The following FHOD3 variants were observed in gnomAD, a reference collection of about 807,000 sequenced individuals.
The protein encoded by FHOD3 is formin homology 2 domain containing 3.
A neutral mutation model predicts 173.0 loss-of-function variants in FHOD3; 90 were observed. That is an observed-to-expected ratio of 0.52 (90% confidence interval 0.44 to 0.62). The LOEUF (loss-of-function observed/expected upper bound fraction) is 0.62. FHOD3 is among the 20% of genes least tolerant of loss of function. The probability of loss-of-function intolerance (pLI) is 0.00; values close to 1 mark genes in which losing one functional copy is unlikely to be tolerated. For synonymous variants in FHOD3, 828 were observed against 823.0 expected, an observed-to-expected ratio of 1.01 and a Z score of -0.10; for missense variants, 1,945 against 2,034.7, an observed-to-expected ratio of 0.96 and a Z score of 0.85.
intron 3 of FHOD3, among the ~76,000 whole-genome samples, chr18:36,445,410 C>T (rs1414407221): frequency 6.6e-6 from 1 of 152,098 alleles, no homozygotes; most frequent in Non-Finnish European, 1.5e-5. Context: ...CAGTATGATT[C>T]TTAAGCAGGC....
At chr18:36,438,695 C>A (rs1206834458) in intron 3 of FHOD3, among the ~76,000 whole-genome samples, 1 of 152,232 alleles carries the variant, frequency 6.6e-6, no homozygotes, top group African/African-American at 2.4e-5. Context: ...GTGTCTGCTG[C>A]CCCAGTGCTC....
chr18:36,769,475 C>A, intron 28 of FHOD3, 49 bp downstream of exon 28: 1 of 1,584,544 alleles, frequency 6.3e-7, no homozygotes, highest in South Asian at 1.2e-5. Flanking sequence ...AGGGATCTGC[C>A]CTCCCATTCT....
intron 2 of FHOD3, among the ~76,000 whole-genome samples, chr18:36,369,938 G>A (rs1390998694): frequency 6.6e-6 from 1 of 152,142 alleles, no homozygotes. Context: ...CCCTGCTTCT[G>A]TTTCCACCAG....
At chr18:36,371,622 T>C (rs2047192585) in intron 2 of FHOD3, among the ~76,000 whole-genome samples, 1 of 152,230 alleles carries the variant, frequency 6.6e-6, no homozygotes, top group African/African-American at 2.4e-5. Context: ...GTTTAAACCA[T>C]ACTTCTGTCT....
intron 5 of FHOD3, among the ~76,000 whole-genome samples, chr18:36,518,419 C>T (rs2146500973): frequency 6.6e-6 from 1 of 152,274 alleles, no homozygotes; most frequent in Non-Finnish European, 1.5e-5. Flanking sequence ...GTGGATGACC[C>T]AGGAGTCTTG....
intron 19 of FHOD3, among the ~76,000 whole-genome samples, chr18:36,724,476 C>G (rs989679789): frequency 1.3e-5 from 2 of 152,178 alleles, no homozygotes; most frequent in Non-Finnish European, 2.9e-5. Flanking sequence ...CGCTGCCTCC[C>G]CTTCTCAGGA....
At chr18:36,625,444 G>C in intron 9 of FHOD3, 67 bp from the exon 10 acceptor site, 2 of 1,286,602 alleles carry the variant, frequency 1.6e-6, no homozygotes, top group Non-Finnish European at 2.0e-6. Context: ...CTGAAATGCA[G>C]TCACACCTGA....
At chr18:36,684,991 G>C (rs951436628) in intron 15 of FHOD3, among the ~76,000 whole-genome samples, 1 of 152,122 alleles carries the variant, frequency 6.6e-6, no homozygotes, top group African/African-American at 2.4e-5. Context: ...TTTTTGTAGA[G>C]ATGAGGTTTC....
rs572827753 is a variant in FHOD3 at position 36,655,263 on chromosome 18, G to C, written c.1721+1847G>C. ...TGTGCAAGTTAGGAGCTGAACATTT[G>C]ACTGGAACAAAAATATGTTGGTGAT... is the stretch of plus-strand genomic sequence containing the variant. On this transcript the variant is annotated intron_variant, in intron 13 of 28. Coordinates refer to ENST00000590592, the MANE Select transcript of FHOD3 (RefSeq NM_001281740.3). 2.3e-3 allele frequency among the ~76,000 whole-genome samples: 354 copies of C among 152,190 alleles called. 2 individuals are homozygous for C. In the Middle Eastern group the frequency reaches 0.034, roughly 15 times the overall value.
At chr18:36,582,347 GTAAATAATAGAATCC>G (rs1224251296) in intron 6 of FHOD3, among the ~76,000 whole-genome samples, 1 of 152,168 alleles carries the variant, frequency 6.6e-6, no homozygotes, top group Non-Finnish European at 1.5e-5. Context: ...GTTACGTAAT[GTAAATAATAGAATCC>G]TAGCCTTGAA....
chr18:36,668,539 T>A (rs1044806877), intron 14 of FHOD3, among the ~76,000 whole-genome samples: 1 of 152,052 alleles, frequency 6.6e-6, no homozygotes, highest in Non-Finnish European at 1.5e-5. Flanking sequence ...TCACTTTGTG[T>A]AAAATTTGCT....
intron 14 of FHOD3, among the ~76,000 whole-genome samples, chr18:36,678,889 A>G (rs967253328): frequency 4.6e-5 from 7 of 152,122 alleles, no homozygotes; most frequent in South Asian, 2.1e-4. Flanking sequence ...CCGTCTTCAC[A>G]CTGTTCTTAT....
chr18:36,770,988 G>A (rs1403748691), intron 28 of FHOD3, among the ~76,000 whole-genome samples: 1 of 152,158 alleles, frequency 6.6e-6, no homozygotes, highest in African/African-American at 2.4e-5. Flanking sequence ...GAATATGTTT[G>A]TAGATTCCAA....
intron 3 of FHOD3, among the ~76,000 whole-genome samples, chr18:36,480,486 G>A (rs918740284): frequency 2.0e-5 from 3 of 152,176 alleles, no homozygotes; most frequent in Non-Finnish European, 2.9e-5. Context: ...CATGCAGCAC[G>A]AGGCTCTTGC....
intron 3 of FHOD3, among the ~76,000 whole-genome samples, chr18:36,498,331 G>T (rs2054850179): frequency 6.6e-6 from 1 of 151,986 alleles, no homozygotes; most frequent in Non-Finnish European, 1.5e-5. Context: ...CAAACGAAAG[G>T]AAATAATGAA....
At chr18:36,480,632 T>C (rs1316893988) in intron 3 of FHOD3, among the ~76,000 whole-genome samples, 1 of 152,244 alleles carries the variant, frequency 6.6e-6, no homozygotes, top group Non-Finnish European at 1.5e-5. Context: ...AGAGTAACTT[T>C]AGTCATATTG....
intron 3 of FHOD3, among the ~76,000 whole-genome samples, chr18:36,397,338 G>T (rs1169566599): frequency 6.6e-6 from 1 of 152,068 alleles, no homozygotes; most frequent in Non-Finnish European, 1.5e-5. Context: ...TCAGGCTGTT[G>T]GTGGTTTGTC....
rs564348184 is a variant in FHOD3, at chr18:36,423,929, T to C, written c.337+51185T>C. Among the ~76,000 whole-genome samples, 11 of 152,338 alleles carry C rather than the reference T, an allele frequency of 7.2e-5. No individual in the cohort carries two copies. In the East Asian group the frequency reaches 1.3e-3, roughly 19 times the overall value. On this transcript the variant is annotated intron_variant, in intron 3 of 28. Transcript: ENST00000590592. ...TGTAAAACCCGTATTTGTTTCAACA[T>C]GATTGACATATTAGGGGACAATTTG...
At chr18:36,740,053 G>A (rs2041830725) in intron 20 of FHOD3, among the ~76,000 whole-genome samples, 1 of 152,186 alleles carries the variant, frequency 6.6e-6, no homozygotes, top group African/African-American at 2.4e-5. Flanking sequence ...GAGCGTAGGA[G>A]AATCATAAGT....
Sources: gnomAD v4.1 joint callset for allele counts (sites outside exome capture counted in the v4.1 genomes callset) on GRCh38, gnomAD v4.1.1 for gene constraint, MANE v1.5 for transcripts, NCBI Gene and HGNC (gene_info 2026-07-23, HGNC 2026-07-21) for gene names.